COL19A1: variants seen among roughly 807,000 people sequenced by gnomAD.
COL19A1 encodes collagen alpha-1(XIX) chain.
Under a neutral mutation model 190.2 loss-of-function variants are expected in COL19A1, and 159 were observed. The ratio of observed to expected loss-of-function variants is 0.84; its 90% CI spans 0.73 to 0.95. The LOEUF (loss-of-function observed/expected upper bound fraction) is 0.95. COL19A1 is among the 40% of genes least tolerant of loss of function. COL19A1 has a pLI of 0.00. For missense variants in COL19A1, 1,418 were observed against 1,431.9 expected (o/e 0.99, Z 0.16); for synonymous variants, 509 against 458.9 (o/e 1.11, Z -1.39).
chr6:70,081,765 T>A (rs556695803), intron 15 of COL19A1, among the ~76,000 whole-genome samples: 5 of 152,312 alleles, frequency 3.3e-5, no homozygotes, highest in African/African-American at 1.2e-4. Flanking sequence ...ATATTAGGAT[T>A]ATAGAATTAA....
chr6:70,047,931 A>G (rs950307706), intron 14 of COL19A1, among the ~76,000 whole-genome samples: 2 of 151,948 alleles, frequency 1.3e-5, no homozygotes, highest in Non-Finnish European at 2.9e-5. Context: ...TTCATGTAAT[A>G]TATCCACTAA....
chr6:69,939,507 A>G lies in COL19A1; in HGVS notation c.936+1407A>G, dbSNP rs1446436428. ...TGTGGCCAAACTGGGATCTGAAACC[A>G]GTAGGTCTGTTGACTACTCATGACC... On this transcript the variant is annotated intron_variant, in intron 9 of 50. Transcript: ENST00000620364. 2.0e-5 allele frequency among the ~76,000 whole-genome samples: 3 copies of G among 152,140 alleles called. No individual in the cohort carries two copies. The East Asian group carries it at 5.8e-4, about 29-fold the overall frequency.
At chr6:70,141,416 T>C (rs1389585477) in intron 20 of COL19A1, among the ~76,000 whole-genome samples, 1 of 152,120 alleles carries the variant, frequency 6.6e-6, no homozygotes, top group Non-Finnish European at 1.5e-5. Flanking sequence ...ATAGCCAGTA[T>C]CATCCTCTTT....
At chr6:70,063,104 T>C (rs1415420608) in intron 14 of COL19A1, among the ~76,000 whole-genome samples, 1 of 152,050 alleles carries the variant, frequency 6.6e-6, no homozygotes, top group African/African-American at 2.4e-5. Flanking sequence ...TATCCAGAAA[T>C]TGAATTCAGC....
chr6:70,051,663 G>T (rs1250658442), intron 14 of COL19A1, among the ~76,000 whole-genome samples: 1 of 151,996 alleles, frequency 6.6e-6, no homozygotes, highest in Non-Finnish European at 1.5e-5. Context: ...AGAACAAAAG[G>T]GTGGTTAGTA....
chr6:69,963,491 T>TGA (rs1774920009), intron 11 of COL19A1, among the ~76,000 whole-genome samples: 1 of 152,070 alleles, frequency 6.6e-6, no homozygotes, highest in Non-Finnish European at 1.5e-5. Context: ...AGACAGGAGC[T>TGA]GAGGGTAGCA....
At chr6:70,166,521 G>A (rs1014285605) in intron 37 of COL19A1, among the ~76,000 whole-genome samples, 26 of 152,228 alleles carry the variant, frequency 1.7e-4, no homozygotes, top group Admixed American at 4.6e-4. Flanking sequence ...ACGGTGGAGA[G>A]GAGAGGAGCC....
At position 69,927,903 on chromosome 6, in the gene COL19A1, C is replaced by T; in HGVS notation, c.267-6C>T. On this transcript the variant is annotated splice_polypyrimidine_tract_variant and splice_region_variant and intron_variant, in intron 4 of 50. Transcript: ENST00000620364. ...CCCACAAAAGTTCTTTGTTTTCCTC[C>T]CACAGTAAGATATTTCCCAAAGGCC... The T allele has an allele frequency of 6.3e-7, 1 of 1,592,104 alleles. No homozygotes were observed. Among genetic ancestry groups the T allele is most frequent in the Non-Finnish European group, 8.6e-7 (1 of 1,166,990 alleles).
intron 4 of COL19A1, among the ~76,000 whole-genome samples, chr6:69,907,999 A>T (rs1252657548): frequency 1.3e-5 from 2 of 152,162 alleles, no homozygotes; most frequent in African/African-American, 4.8e-5. Flanking sequence ...ACTGAGATGT[A>T]TTGCCTTCTA....
chr6:69,973,055 A>G (rs1458489417), intron 11 of COL19A1, among the ~76,000 whole-genome samples: 1 of 152,238 alleles, frequency 6.6e-6, no homozygotes, highest in Non-Finnish European at 1.5e-5. Flanking sequence ...CATAAGAAAG[A>G]ATAAATAGAA....
chr6:70,161,187 A>C (rs1036819759), intron 34 of COL19A1, among the ~76,000 whole-genome samples: 7 of 152,162 alleles, frequency 4.6e-5, no homozygotes, highest in African/African-American at 1.7e-4. Context: ...CAGTGAGCCA[A>C]ATTTCTTCTT....
At chr6:70,099,055 CT>C (rs1201673200) in intron 15 of COL19A1, among the ~76,000 whole-genome samples, 4 of 33,038 alleles carry the variant, frequency 1.2e-4, no homozygotes, top group African/African-American at 5.7e-4. Context: ...GACCCTGTCT[CT>C]AAAAAAAAAA....
At chr6:70,115,965 G>GA (rs1433345222) in intron 16 of COL19A1, among the ~76,000 whole-genome samples, 3 of 151,364 alleles carry the variant, frequency 2.0e-5, no homozygotes, top group South Asian at 4.2e-4. Context: ...AAGAGACACT[G>GA]AAAAAAATTT....
intron 11 of COL19A1, among the ~76,000 whole-genome samples, chr6:69,988,904 C>A (rs1040044020): frequency 6.6e-6 from 1 of 152,190 alleles, no homozygotes; most frequent in Non-Finnish European, 1.5e-5. Flanking sequence ...GCTTTCCTTT[C>A]ACATCTGCTT....
intron 14 of COL19A1, among the ~76,000 whole-genome samples, chr6:70,044,102 G>A (rs1440434038): frequency 6.6e-6 from 1 of 152,138 alleles, no homozygotes; most frequent in Non-Finnish European, 1.5e-5. Context: ...TAAACATCAT[G>A]AACCAACTTC....
chr6:70,116,409 T>C (rs1784580652), intron 16 of COL19A1, among the ~76,000 whole-genome samples: 1 of 152,230 alleles, frequency 6.6e-6, no homozygotes, highest in Non-Finnish European at 1.5e-5. Flanking sequence ...CAGACTGTAG[T>C]GTGCTGAGTT....
intron 16 of COL19A1, among the ~76,000 whole-genome samples, chr6:70,104,471 A>T (rs1783829142): frequency 6.6e-6 from 1 of 152,170 alleles, no homozygotes; most frequent in Non-Finnish European, 1.5e-5. Flanking sequence ...CTAGGGGGAT[A>T]GTGCTAAACC....
chr6:70,128,765 A>T (rs1443094076), intron 17 of COL19A1, among the ~76,000 whole-genome samples: 2 of 152,216 alleles, frequency 1.3e-5, no homozygotes, highest in Non-Finnish European at 2.9e-5. Context: ...GTATTGATGT[A>T]AGAAAGAGAA....
intron 30 of COL19A1, 133 bp from the exon 31 acceptor site, chr6:70,151,264 C>A (rs1245413013): frequency 5.3e-6 from 4 of 749,366 alleles, no homozygotes; most frequent in South Asian, 4.0e-5. Flanking sequence ...TAATGTTAAG[C>A]CAGTGATTCT....
Sources: allele counts gnomAD v4.1 joint callset (sites outside exome capture counted in the v4.1 genomes callset), GRCh38; gene constraint gnomAD v4.1.1; transcripts MANE v1.5; gene names NCBI Gene and HGNC (gene_info 2026-07-23, HGNC 2026-07-21).